CEP135: variants seen among roughly 807,000 people sequenced by gnomAD.
The protein encoded by CEP135 is centrosomal protein of 135 kDa.
Under a neutral mutation model 157.3 loss-of-function variants are expected in CEP135, and 142 were observed. The observed-to-expected ratio is 0.90, with a 90% CI of 0.79 to 1.04. CEP135 has a LOEUF of 1.04. Among genes scored for constraint, CEP135 ranks in the 50% least tolerant of loss-of-function variants. The probability of loss-of-function intolerance (pLI) is 0.00; values close to 1 mark genes in which losing one functional copy is unlikely to be tolerated. For synonymous variants in CEP135, 396 were observed against 439.8 expected (o/e 0.90, Z 1.25); for missense variants, 1,317 against 1,309.2 (o/e 1.01, Z -0.09).
At chr4:55,956,321 C>A (rs1728503351) in intron 4 of CEP135, among the ~76,000 whole-genome samples, 1 of 152,082 alleles carries the variant, frequency 6.6e-6, no homozygotes, top group South Asian at 2.1e-4. Context: ...TGGCAAAATC[C>A]TTAAAGAGAT....
chr4:56,009,729 T>A lies in CEP135; in HGVS notation c.2337-6T>A. 6.3e-7 allele frequency: 1 copy of A among 1,594,294 alleles called. No individual in the cohort carries two copies. Among genetic ancestry groups the A allele is most frequent in the Non-Finnish European group, 8.5e-7 (1 of 1,174,916 alleles). On this transcript the variant is annotated splice_region_variant and splice_polypyrimidine_tract_variant and intron_variant, in intron 18 of 25. Transcript: ENST00000257287. ...CTTTATTAGTTTCACATCACTCATT[T>A]AACAGCCAGCTGAAAGAAACATTGG...
In CEP135 at chr4:55,981,305, A is replaced by G. The variant is rs1729398563; in HGVS notation, c.1705A>G (p.Lys569Glu). 6.3e-7 allele frequency: 1 copy of G among 1,598,434 alleles called. No homozygotes were observed. The highest frequency in any genetic ancestry group is 8.5e-7 in the Non-Finnish European group (1 of 1,175,410). The change falls in exon 13 of 26, where the codon AAG (lysine) becomes GAG (glutamate). Residue 569 changes from lysine to glutamate, a missense_variant. By Grantham distance (56) the Lys-to-Glu change is moderately conservative. Coordinates refer to ENST00000257287, the MANE Select transcript of CEP135 (RefSeq NM_025009.5). ...CCATAATATTGTTAGTCTTATGGAA[A>G]AGGAAAAAGAACTTGCGTTATCTGA... ...APHNIVSLME[K>E]EKELALSDLR...
rs758365942 is a variant in CEP135 at position 55,959,691 on chromosome 4, A to G, written c.624A>G (p.Glu208=). Reference sequence around the variant, plus strand: ...TTAAAGTGCTTTTCAGGATTCAAGAACTTCAACAGGAAGTCCACCAGCTAC... The same window carrying G: ...TTAAAGTGCTTTTCAGGATTCAAGAGCTTCAACAGGAAGTCCACCAGCTAC... ...LLQVADNRIQ[E]LQQEVHQLQE... Residue 208 remains glutamate (E), a synonymous_variant, in exon 6 of 26, where the codon GAA becomes GAG. Transcript: ENST00000257287. 1 of 1,613,984 alleles carries G rather than the reference A, an allele frequency of 6.2e-7. No homozygotes were observed. The highest frequency in any genetic ancestry group is 8.5e-7 in the Non-Finnish European group (1 of 1,179,898).
chr4:55,985,074 G>A (rs1163328425), intron 13 of CEP135, among the ~76,000 whole-genome samples: 1 of 152,338 alleles, frequency 6.6e-6, no homozygotes, highest in African/African-American at 2.4e-5. Flanking sequence ...GAGGTAGAGA[G>A]TGTAAAAGAT....
Position 56,033,114 on chromosome 4 carries a change from T to C in CEP135, c.*1766T>C, listed in dbSNP as rs1364359230. 6.6e-6 allele frequency: 1 copy of C among 152,100 alleles called. No homozygotes were observed. The highest frequency in any genetic ancestry group is 1.9e-4 in the East Asian group (1 of 5,206). The allele number at this position is 152,100 out of a possible 1,614,324, so 9.4% of individuals were successfully genotyped here. A position where few individuals can be genotyped will look rare whatever the true frequency, so the allele number is the denominator to read the frequency against. On this transcript the variant is annotated 3_prime_UTR_variant, in exon 26 of 26. Coordinates refer to ENST00000257287, the MANE Select transcript of CEP135 (RefSeq NM_025009.5). The stretch of plus-strand genomic sequence containing the variant: ...TATATGTAAATAAAATAAAAAATAT[T>C]TGTCTCCACCTTTTCCCCAAAAGCA...
At chr4:55,967,074 TA>T in intron 8 of CEP135, among the ~76,000 whole-genome samples, 1 of 151,894 alleles carries the variant, frequency 6.6e-6, no homozygotes, top group East Asian at 1.9e-4. Flanking sequence ...ATCTGTACAA[TA>T]AAAAGAATAA....
chr4:55,980,568 A>C (rs1729368619), intron 12 of CEP135, among the ~76,000 whole-genome samples: 1 of 152,184 alleles, frequency 6.6e-6, no homozygotes, highest in African/African-American at 2.4e-5. Flanking sequence ...AGCAGGTCTC[A>C]GCCTGACTCT....
Position 56,031,270 on chromosome 4 carries a change from A to G in CEP135, c.*12-90A>G, listed in dbSNP as rs1327933483. The G allele has an allele frequency of 4.6e-5, 7 of 152,784 alleles. No individual in the cohort carries two copies. The East Asian group carries it at 1.3e-3, about 29-fold the overall frequency. 9.5% of individuals were successfully genotyped at this position (152,784 alleles called of 1,614,324 possible). A position where few individuals can be genotyped will look rare whatever the true frequency, so the allele number is the denominator to read the frequency against. ...TTTATTAGATTCTATAATTTCATTTATAACATTATTGAATTTCAGTTTTTT... is the reference window on the plus strand; with the variant it reads ...TTTATTAGATTCTATAATTTCATTTGTAACATTATTGAATTTCAGTTTTTT... On this transcript the variant is annotated intron_variant, in intron 25 of 25. Transcript: ENST00000257287.
chr4:55,972,963 G>A (rs575974144), intron 10 of CEP135, among the ~76,000 whole-genome samples: 19 of 152,158 alleles, frequency 1.2e-4, no homozygotes, highest in South Asian at 4.2e-4. Context: ...ACCCGGAGGC[G>A]GAGGTTGCAG....
chr4:55,974,440 G>A (rs1014643345), intron 10 of CEP135, among the ~76,000 whole-genome samples: 6 of 152,024 alleles, frequency 3.9e-5, no homozygotes, highest in African/African-American at 9.7e-5. Flanking sequence ...TTCAGGTCCC[G>A]GGAAAGTACT....
At chr4:55,960,988 C>T (rs2109649830) in intron 6 of CEP135, 1 of 148,086 alleles carries the variant, frequency 6.8e-6, no homozygotes, top group Admixed American at 6.8e-5. Flanking sequence ...TGCCTGTAAT[C>T]CCAGCTACTC....
intron 14 of CEP135, among the ~76,000 whole-genome samples, chr4:55,991,233 C>G (rs1244126420): frequency 6.6e-6 from 1 of 151,998 alleles, no homozygotes; most frequent in African/African-American, 2.4e-5. Context: ...ACCGTGGCCT[C>G]CCATATAATA....
rs113382522 is a variant in CEP135 at position 56,009,835 on chromosome 4, A to G, written c.2437A>G (p.Arg813Gly). 1.2e-6 allele frequency: 2 copies of G among 1,614,038 alleles called. No homozygotes were observed. Among genetic ancestry groups the G allele is most frequent in the Non-Finnish European group, 1.7e-6 (2 of 1,180,010 alleles). The change falls in exon 19 of 26, where the codon AGA becomes GGA. Residue 813 changes from arginine (R) to glycine (G), a missense_variant. Transcript: ENST00000257287. ...HKELDEVGRS[R>G]EIAFKENRRL... Reference sequence around the variant, plus strand: ...AGAACTCGATGAAGTAGGAAGATCTAGAGAAATCGCTTTTAAGGAAAACAG... The same window carrying G: ...AGAACTCGATGAAGTAGGAAGATCTGGAGAAATCGCTTTTAAGGAAAACAG...
intron 25 of CEP135, among the ~76,000 whole-genome samples, chr4:56,024,955 C>G (rs1324292330): frequency 1.3e-5 from 2 of 151,732 alleles, no homozygotes; most frequent in East Asian, 1.9e-4. Flanking sequence ...CTGGGCAACA[C>G]AGTGAGACCT....
At chr4:56,019,295 T>C (rs916697480) in intron 22 of CEP135, 58 bp from the exon 23 acceptor site, 4 of 1,357,646 alleles carry the variant, frequency 2.9e-6, no homozygotes, top group Non-Finnish European at 4.0e-6. Context: ...AGATAAATAA[T>C]TTTTTCAGAG....
At chr4:55,981,820 A>G (rs1422424503) in intron 13 of CEP135, among the ~76,000 whole-genome samples, 1 of 152,162 alleles carries the variant, frequency 6.6e-6, no homozygotes, top group Non-Finnish European at 1.5e-5. Context: ...TTACAATGGG[A>G]TTACATTCCA....
chr4:55,952,000 T>G (rs1422681600), intron 1 of CEP135, 86 bp from the exon 2 acceptor site: 1 of 507,970 alleles, frequency 2.0e-6, no homozygotes, highest in Non-Finnish European at 3.5e-6. Flanking sequence ...AAATAATTGC[T>G]TCATATTAAA....
At chr4:55,980,015 T>G (rs773661509) in intron 11 of CEP135, 128 bp from the exon 12 acceptor site, 1 of 765,018 alleles carries the variant, frequency 1.3e-6, no homozygotes, top group Non-Finnish European at 2.2e-6. Context: ...TAAAACTGTG[T>G]TCCTTAATTA....
chr4:55,987,350 G>T (rs557214950), intron 14 of CEP135, among the ~76,000 whole-genome samples: 1 of 152,202 alleles, frequency 6.6e-6, no homozygotes, highest in Admixed American at 6.5e-5. Context: ...ACCCTTTATA[G>T]ATCTGTGGAG....
Sources: gnomAD v4.1 joint callset for allele counts (sites outside exome capture counted in the v4.1 genomes callset) on GRCh38, gnomAD v4.1.1 for gene constraint, MANE v1.5 for transcripts, NCBI Gene and HGNC (gene_info 2026-07-23, HGNC 2026-07-21) for gene names.